Variants in MAGI3 observed in about 807,000 individuals in gnomAD.
MAGI3 encodes membrane associated guanylate kinase, WW and PDZ domain containing 3.
Under a neutral mutation model 121.8 loss-of-function variants are expected in MAGI3, and 43 were observed. The observed-to-expected ratio is 0.35, with a 90% CI of 0.28 to 0.46. The LOEUF (loss-of-function observed/expected upper bound fraction) is 0.46. Among genes scored for constraint, MAGI3 ranks in the 20% least tolerant of loss-of-function variants. The pLI is 1.00. For missense variants in MAGI3, 1,547 were observed against 1,797.3 expected (o/e 0.86, Z 2.52); for synonymous variants, 553 against 639.3 (o/e 0.86, Z 2.04).
At chr1:113,428,671 T>C (rs1269325361) in intron 1 of MAGI3, among the ~76,000 whole-genome samples, 1 of 152,228 alleles carries the variant, frequency 6.6e-6, no homozygotes, top group Admixed American at 6.5e-5. Context: ...ATGTAATCAA[T>C]AGGAAATTAT....
intron 15 of MAGI3, among the ~76,000 whole-genome samples, chr1:113,657,019 G>C (rs1653511804): frequency 6.6e-6 from 1 of 152,128 alleles, no homozygotes; most frequent in Non-Finnish European, 1.5e-5. Context: ...GGTTGCAAAG[G>C]ATTTCTTTGA....
At chr1:113,654,041 GTC>G in intron 15 of MAGI3, 23 bp downstream of exon 15, 1 of 1,578,264 alleles carries the variant, frequency 6.3e-7, no homozygotes. Context: ...GTATCTTATT[GTC>G]TCTCCCTGCA....
chr1:113,394,187 C>CT (rs1650972027), intron 1 of MAGI3, among the ~76,000 whole-genome samples: 1 of 152,044 alleles, frequency 6.6e-6, no homozygotes, highest in Non-Finnish European at 1.5e-5. Flanking sequence ...TTTTTTTTCC[C>CT]TTTTTTTGTT....
intron 3 of MAGI3, among the ~76,000 whole-genome samples, chr1:113,581,505 T>C (rs1443689243): frequency 6.6e-6 from 1 of 152,120 alleles, no homozygotes; most frequent in Non-Finnish European, 1.5e-5. Flanking sequence ...TTCTCCTTTT[T>C]CTCACATTTC....
chr1:113,645,018 T>C (rs562877321), intron 11 of MAGI3, among the ~76,000 whole-genome samples: 1 of 134,994 alleles, frequency 7.4e-6, no homozygotes, highest in Non-Finnish European at 1.5e-5. Flanking sequence ...CCTCAGCTTC[T>C]GGCCTTTTTT....
chr1:113,391,099 G>A lies in MAGI3; in HGVS notation c.66G>A (p.Trp22Ter). 1 of 1,586,640 alleles carries A rather than the reference G, an allele frequency of 6.3e-7. No individual in the cohort carries two copies. Among genetic ancestry groups the A allele is most frequent in the East Asian group, 2.3e-5 (1 of 43,768 alleles). The change falls in exon 1 of 21, where the codon TGG becomes TGA. Residue 22 changes from tryptophan to a stop codon, truncating the protein, a stop_gained. Transcript: ENST00000307546. LOFTEE classifies it high-confidence loss of function. This position sits in a 1 kb window ranked among gnomAD's most constrained non-coding sequence, Gnocchi z 4.4. ...AGGTGCAGGAGTGCGCCGTGTCCTG[G>A]GCCGGGCCCCCGGGCGACTTCGGCG... ...LSKVQECAVS[W>*]AGPPGDFGAE...
intron 19 of MAGI3, among the ~76,000 whole-genome samples, chr1:113,678,803 C>G (rs374480495): frequency 6.6e-6 from 1 of 152,286 alleles, no homozygotes; most frequent in East Asian, 1.9e-4. Context: ...AAGATGTGAA[C>G]CACAGCCTCC....
At chr1:113,614,198 A>C (rs1311358647) in intron 6 of MAGI3, among the ~76,000 whole-genome samples, 1 of 152,164 alleles carries the variant, frequency 6.6e-6, no homozygotes, top group Non-Finnish European at 1.5e-5. Context: ...AGTGGGTCTG[A>C]ACATAACATC....
intron 2 of MAGI3, among the ~76,000 whole-genome samples, chr1:113,566,905 C>G (rs1187044679): frequency 6.7e-6 from 1 of 150,202 alleles, no homozygotes; most frequent in Non-Finnish European, 1.5e-5. Context: ...GAACTAAATC[C>G]AAAGTCAGCA....
chr1:113,434,064 T>TC (rs1653438272), intron 1 of MAGI3, among the ~76,000 whole-genome samples: 1 of 152,196 alleles, frequency 6.6e-6, no homozygotes, highest in South Asian at 2.1e-4. Flanking sequence ...AATTCATCCT[T>TC]CATTGCCCTG....
intron 1 of MAGI3, among the ~76,000 whole-genome samples, chr1:113,404,616 G>A (rs1196339993): frequency 6.6e-6 from 1 of 152,142 alleles, no homozygotes; most frequent in African/African-American, 2.4e-5. Context: ...GACTATGGTG[G>A]TAGTTGTTGG....
At chr1:113,475,167 A>G (rs1032928851) in intron 1 of MAGI3, among the ~76,000 whole-genome samples, 10 of 152,160 alleles carry the variant, frequency 6.6e-5, no homozygotes, top group African/African-American at 2.2e-4. Context: ...TAAATATATA[A>G]TCATGTCATC....
chr1:113,526,821 G>A (rs1297319667), intron 1 of MAGI3, among the ~76,000 whole-genome samples: 1 of 152,034 alleles, frequency 6.6e-6, no homozygotes, highest in Non-Finnish European at 1.5e-5. Context: ...TTGGGAGATG[G>A]TATCAACAGT....
At chr1:113,655,030 T>G (rs766482124) in intron 15 of MAGI3, among the ~76,000 whole-genome samples, 1 of 152,218 alleles carries the variant, frequency 6.6e-6, no homozygotes, top group Non-Finnish European at 1.5e-5. Flanking sequence ...GTTATTGCTA[T>G]AGTATTAGGT....
intron 1 of MAGI3, among the ~76,000 whole-genome samples, chr1:113,398,670 T>C (rs1255338448): frequency 6.6e-6 from 1 of 152,090 alleles, no homozygotes; most frequent in Non-Finnish European, 1.5e-5. Flanking sequence ...TTAACAGAAG[T>C]AGTTTTATGA....
chr1:113,409,393 C>T (rs976381939), intron 1 of MAGI3, among the ~76,000 whole-genome samples: 1 of 151,594 alleles, frequency 6.6e-6, no homozygotes, highest in Admixed American at 6.6e-5. Context: ...ACCTTTAATC[C>T]CAGCACTTTG....
At chr1:113,436,834 G>A (rs1475537242) in intron 1 of MAGI3, among the ~76,000 whole-genome samples, 1 of 112,698 alleles carries the variant, frequency 8.9e-6, no homozygotes, top group Non-Finnish European at 1.8e-5. Context: ...TTTTTTTTGA[G>A]ACGGAGTCTC....
chr1:113,488,033 C>T (rs895770621), intron 1 of MAGI3, among the ~76,000 whole-genome samples: 2 of 152,076 alleles, frequency 1.3e-5, no homozygotes, highest in Non-Finnish European at 2.9e-5. Context: ...GAAGGATCTT[C>T]CTTAATTTTT....
At chr1:113,483,446 C>T (rs547352270) in intron 1 of MAGI3, among the ~76,000 whole-genome samples, 31 of 152,174 alleles carry the variant, frequency 2.0e-4, no homozygotes, top group Non-Finnish European at 2.9e-4. Context: ...TGATTTCTCT[C>T]TCTGTCCTCT....
Sources: allele counts gnomAD v4.1 joint callset (sites outside exome capture counted in the v4.1 genomes callset), GRCh38; gene constraint gnomAD v4.1.1; non-coding constraint Gnocchi (gnomAD v3.1); transcripts MANE v1.5; gene names NCBI Gene and HGNC (gene_info 2026-07-23, HGNC 2026-07-21).